Variants in PKHD1 observed in about 807,000 individuals in gnomAD.
PKHD1 encodes PKHD1 ciliary IPT domain containing fibrocystin/polyductin.
Under a neutral mutation model 412.0 loss-of-function variants are expected in PKHD1, and 291 were observed. The ratio of observed to expected loss-of-function variants is 0.71; its 90% CI spans 0.64 to 0.78. The LOEUF (loss-of-function observed/expected upper bound fraction) is 0.78, where lower values mean the gene tolerates loss of function less well. Among genes scored for constraint, PKHD1 ranks in the 30% least tolerant of loss-of-function variants. PKHD1 has a pLI of 0.00. For missense variants in PKHD1, 4,825 were observed against 4,950.7 expected (o/e 0.97, Z 0.76); for synonymous variants, 1,777 against 1,821.5 (o/e 0.98, Z 0.62).
At chr6:51,794,974 TTC>T (rs1794370821) in intron 52 of PKHD1, among the ~76,000 whole-genome samples, 2 of 152,214 alleles carry the variant, frequency 1.3e-5, no homozygotes, top group African/African-American at 4.8e-5. Flanking sequence ...CCTCTAGCTT[TTC>T]TCTTTTTGCT....
rs1355589165 is a variant in PKHD1, at chr6:51,616,021, T to G, written c.*3060A>C. On this transcript the variant is annotated 3_prime_UTR_variant, in exon 67 of 67. Coordinates refer to ENST00000371117, the MANE Select transcript of PKHD1 (RefSeq NM_138694.4). ...ACAACCGTGGCTCCATATATACTTC[T>G]TTCTCAATTTTGAAATCTATAAATA... 2 of 152,058 alleles carry G rather than the reference T, an allele frequency of 1.3e-5. No homozygotes were observed. The highest frequency in any genetic ancestry group is 1.3e-4 in the Admixed American group (2 of 15,252). 9.4% of individuals were successfully genotyped at this position (152,058 alleles called of 1,614,324 possible). A position where few individuals can be genotyped will look rare whatever the true frequency, so the allele number is the denominator to read the frequency against.
At chr6:51,796,144 TC>T (rs1794555416) in intron 52 of PKHD1, among the ~76,000 whole-genome samples, 1 of 152,194 alleles carries the variant, frequency 6.6e-6, no homozygotes, top group South Asian at 2.1e-4. Flanking sequence ...TCCTGGGCTT[TC>T]TTTGGTTGGT....
chr6:51,796,755 C>T (rs1394632595), intron 52 of PKHD1, among the ~76,000 whole-genome samples: 1 of 151,482 alleles, frequency 6.6e-6, no homozygotes, highest in Admixed American at 6.6e-5. Context: ...TCATTATTTA[C>T]TCAAGAGTCA....
chr6:52,022,330 A>C (rs1396479801), intron 33 of PKHD1, among the ~76,000 whole-genome samples: 1 of 152,220 alleles, frequency 6.6e-6, no homozygotes, highest in Non-Finnish European at 1.5e-5. Context: ...CTATAATAAG[A>C]AACCGAAAAC....
At chr6:51,922,139 T>TTGATGC (rs1784808080) in intron 37 of PKHD1, among the ~76,000 whole-genome samples, 1 of 152,238 alleles carries the variant, frequency 6.6e-6, no homozygotes. Flanking sequence ...TTTGTTGATG[T>TTGATGC]TGATGCTGTT....
intron 58 of PKHD1, 69 bp downstream of exon 58, chr6:51,747,718 G>T: frequency 7.3e-7 from 1 of 1,364,984 alleles, no homozygotes; most frequent in Non-Finnish European, 1.0e-6. Context: ...TAAAATTTCA[G>T]AATGCCATTA....
At chr6:51,919,998 G>T (rs986837522) in intron 37 of PKHD1, among the ~76,000 whole-genome samples, 1 of 152,218 alleles carries the variant, frequency 6.6e-6, no homozygotes, top group Admixed American at 6.5e-5. Context: ...TTTTGCTGAA[G>T]TTGCTTATCA....
At chr6:52,000,199 T>C (rs989626378) in intron 35 of PKHD1, among the ~76,000 whole-genome samples, 1 of 152,200 alleles carries the variant, frequency 6.6e-6, no homozygotes, top group Non-Finnish European at 1.5e-5. Flanking sequence ...AAATAGCAAC[T>C]TGAGATTACA....
chr6:52,080,929 A>C (rs4715277), intron 4 of PKHD1, among the ~76,000 whole-genome samples: 1 of 151,976 alleles, frequency 6.6e-6, no homozygotes, highest in South Asian at 2.1e-4. Context: ...TTTAAATTAC[A>C]TTTGTGTTCA....
chr6:51,729,718 C>G (rs1783020646), intron 60 of PKHD1, among the ~76,000 whole-genome samples: 1 of 152,122 alleles, frequency 6.6e-6, no homozygotes, highest in African/African-American at 2.4e-5. Context: ...TGCAAATTAT[C>G]ACACTTTTTA....
Position 51,747,823 on chromosome 6 carries a change from T to C in PKHD1, c.9793A>G (p.Asn3265Asp), listed in dbSNP as rs1785418519. 2 of 1,613,792 alleles carry C rather than the reference T, an allele frequency of 1.2e-6. No homozygotes were observed. The highest frequency in any genetic ancestry group is 2.7e-5 in the African/African-American group (2 of 74,890). The change falls in exon 58 of 67, where the codon AAT becomes GAT. Residue 3265 changes from asparagine to aspartate, a missense_variant. Coordinates refer to ENST00000371117, the MANE Select transcript of PKHD1 (RefSeq NM_138694.4). The stretch of plus-strand genomic sequence containing the variant: ...ATGATTCCTGAAATTGAATGATCAT[T>C]CCTCACTTTGTGCCATGGCTCCTGA... ...WPQEPWHKVR[N>D]DHSISGIMKL...
At chr6:51,989,506 AAAGG>A (rs1468601971) in intron 35 of PKHD1, among the ~76,000 whole-genome samples, 1 of 152,226 alleles carries the variant, frequency 6.6e-6, no homozygotes, top group Non-Finnish European at 1.5e-5. Flanking sequence ...ATGTGTGTAG[AAAGG>A]AAGACCAGAG....
intron 61 of PKHD1, among the ~76,000 whole-genome samples, chr6:51,650,445 T>A (rs1270524273): frequency 6.6e-6 from 1 of 151,852 alleles, no homozygotes; most frequent in Non-Finnish European, 1.5e-5. Flanking sequence ...ATGAGGTATT[T>A]ATTTATTTAT....
At chr6:51,979,084 G>A (rs985204991) in intron 35 of PKHD1, among the ~76,000 whole-genome samples, 2 of 152,090 alleles carry the variant, frequency 1.3e-5, no homozygotes, top group Non-Finnish European at 2.9e-5. Flanking sequence ...AATCCCCAGC[G>A]TCCAATAGGT....
At position 51,616,846 on chromosome 6, in the gene PKHD1, A is replaced by G. The variant is rs1766109765; in HGVS notation, c.*2235T>C. The G allele has an allele frequency of 1.0e-5, 4 of 393,078 alleles. No homozygotes were observed. The highest frequency in any genetic ancestry group is 1.8e-5 in the Non-Finnish European group (4 of 222,840). 24.3% of individuals were successfully genotyped at this position (393,078 alleles called of 1,614,324 possible). On this transcript the variant is annotated 3_prime_UTR_variant, in exon 67 of 67. Coordinates refer to ENST00000371117, the MANE Select transcript of PKHD1 (RefSeq NM_138694.4). ...GAAGAAGGGTAAAGAAGGGGCAGAAATAACAGAGCTGGCAGCTAACTCTTT... is the reference window on the plus strand; with the variant it reads ...GAAGAAGGGTAAAGAAGGGGCAGAAGTAACAGAGCTGGCAGCTAACTCTTT...
intron 60 of PKHD1, among the ~76,000 whole-genome samples, chr6:51,719,660 C>T (rs933784230): frequency 2.0e-5 from 3 of 152,102 alleles, no homozygotes; most frequent in African/African-American, 7.2e-5. Context: ...AATTATCTTA[C>T]AAATATGTTA....
intron 60 of PKHD1, among the ~76,000 whole-genome samples, chr6:51,669,953 A>T (rs1774611591): frequency 6.7e-6 from 1 of 150,146 alleles, no homozygotes; most frequent in East Asian, 2.0e-4. Flanking sequence ...TGCTGAGGAG[A>T]GCTTTACTTC....
chr6:51,988,978 T>C (rs147743926), intron 35 of PKHD1, among the ~76,000 whole-genome samples: 29 of 152,236 alleles, frequency 1.9e-4, no homozygotes, highest in Non-Finnish European at 1.5e-4. Context: ...GGGGCTCACA[T>C]TGTTAAAGTC....
At chr6:51,870,409 A>C in intron 47 of PKHD1, 95 bp downstream of exon 47, 2 of 1,045,818 alleles carry the variant, frequency 1.9e-6, no homozygotes, top group Non-Finnish European at 3.0e-6. Context: ...TATAACTGAA[A>C]GAGATAATGA....
Sources: gnomAD v4.1 joint callset for allele counts (sites outside exome capture counted in the v4.1 genomes callset) on GRCh38, gnomAD v4.1.1 for gene constraint, MANE v1.5 for transcripts, NCBI Gene and HGNC (gene_info 2026-07-23, HGNC 2026-07-21) for gene names.